The following USP5 variants were observed in gnomAD, a reference collection of about 807,000 sequenced individuals.
USP5 encodes the protein ubiquitin specific peptidase 5, also known as ubiquitin carboxyl-terminal hydrolase 5.
In USP5, 24 loss-of-function variants were observed where a neutral mutation model predicts 102.5. The observed-to-expected ratio is 0.23, with a 90% CI of 0.17 to 0.33. The LOEUF is 0.33. Among genes scored for constraint, USP5 ranks in the 10% least tolerant of loss-of-function variants. USP5 has a pLI of 1.00. For missense variants in USP5, 753 were observed against 1,122.1 expected, an observed-to-expected ratio of 0.67 and a Z score of 4.70; for synonymous variants, 460 against 434.8, an observed-to-expected ratio of 1.06 and a Z score of -0.72.
Position 6,856,121 on chromosome 12 carries a change from G to C in USP5, c.409G>C (p.Gly137Arg). ...CCTGGAGATTGCCCGGGATGGACTG[G>C]GGGGACTGCCTGACATTGTCAGAGA... ...DYLEIARDGLGGLPDIVRDRV... is the reference protein window; with the variant it reads ...DYLEIARDGLRGLPDIVRDRV... The change falls in exon 4 of 20, where the codon GGG (glycine) becomes CGG (arginine). Residue 137 changes from glycine to arginine, a missense_variant. Gly to Arg is a moderately radical substitution (Grantham distance 125, BLOSUM62 -2). Coordinates refer to ENST00000229268, the MANE Select transcript of USP5 (RefSeq NM_001098536.2). This position sits in a 1 kb window ranked among gnomAD's most constrained non-coding sequence, Gnocchi z 5.6. 1.2e-6 allele frequency: 2 copies of C among 1,614,168 alleles called. No homozygotes were observed. The highest frequency in any genetic ancestry group is 8.5e-7 in the Non-Finnish European group (1 of 1,180,026).
At position 6,855,315 on chromosome 12, in the gene USP5, C is replaced by G. The variant is rs1230817773; in HGVS notation, c.112-86C>G. Reference sequence around the variant, plus strand: ...ACAGAACATTTCTTCTGGAACCCAGCAGTTTCTGACTCCAGGTTTTGGTTT... The same window carrying G: ...ACAGAACATTTCTTCTGGAACCCAGGAGTTTCTGACTCCAGGTTTTGGTTT... On this transcript the variant is annotated intron_variant, in intron 1 of 19. Transcript: ENST00000229268. This position sits in a 1 kb window ranked among gnomAD's most constrained non-coding sequence, Gnocchi z 4.6. The G allele has an allele frequency of 7.8e-6, 12 of 1,547,692 alleles. No homozygotes were observed. In the African/African-American group the frequency reaches 1.7e-4, roughly 21 times the overall value.
chr12:6,864,649 A>C lies in USP5; in HGVS notation c.2245-73A>C. The C allele has an allele frequency of 6.6e-7, 1 of 1,517,762 alleles. No individual in the cohort carries two copies. Among genetic ancestry groups the C allele is most frequent in the East Asian group, 2.3e-5 (1 of 43,602 alleles). The allele number at this position is 1,517,762 out of a possible 1,614,324, so 94.0% of individuals were successfully genotyped here. ...GCTTGCAGTGAGCCGAGATCGCGCC[A>C]CTGCACTCCAGCCTGGGCGACAGAG... is the stretch of plus-strand genomic sequence containing the variant. On this transcript the variant is annotated intron_variant, in intron 17 of 19. Transcript: ENST00000229268. The surrounding 1 kb of genome is among the most constrained non-coding windows in gnomAD (Gnocchi z 4.8).
intron 1 of USP5, among the ~76,000 whole-genome samples, chr12:6,852,607 C>T (rs1555127190): frequency 6.6e-6 from 1 of 152,278 alleles, no homozygotes; most frequent in African/African-American, 2.4e-5. Context: ...CAAGTGGACC[C>T]TTGAGAAAAC....
intron 14 of USP5, among the ~76,000 whole-genome samples, 174 bp downstream of exon 14, chr12:6,862,732 C>A (rs782695303): frequency 1.3e-5 from 2 of 152,258 alleles, no homozygotes; most frequent in Non-Finnish European, 2.9e-5. Context: ...TAAAAGACTT[C>A]TTTGATTGTT....
At position 6,863,196 on chromosome 12, in the gene USP5, C is replaced by T. The variant is rs782287315; in HGVS notation, c.1773C>T (p.Ile591=). 2.5e-6 allele frequency: 4 copies of T among 1,611,362 alleles called. No individual in the cohort carries two copies. The highest frequency in any genetic ancestry group is 2.5e-6 in the Non-Finnish European group (3 of 1,178,662). The stretch of plus-strand genomic sequence containing the variant: ...ACCCTTTTCCCACAGATGTGTCCAT[C>T]GAGATGCCAGAGGAGCTCGACATCT... ...DWVPKKLDVS[I]EMPEELDISQ... The change falls in exon 15 of 20, where the codon ATC becomes ATT. Residue 591 remains isoleucine, a synonymous_variant. Coordinates refer to ENST00000229268, the MANE Select transcript of USP5 (RefSeq NM_001098536.2). The surrounding 1 kb of genome is among the most constrained non-coding windows in gnomAD (Gnocchi z 4.7).
rs189651154 is a variant in USP5, at chr12:6,859,677, G to A, written c.1130+136G>A. The stretch of plus-strand genomic sequence containing the variant: ...TTTGTTTTGTTTTGTTTTTTGAGAC[G>A]GAGTCTTGTTCTGTTGCCAGGCTGG... On this transcript the variant is annotated intron_variant, in intron 9 of 19. Coordinates refer to ENST00000229268, the MANE Select transcript of USP5 (RefSeq NM_001098536.2). The A allele has an allele frequency of 7.2e-3, 6,341 of 876,384 alleles. 44 individuals carry two copies. The highest frequency in any genetic ancestry group is 0.04 in the Middle Eastern group (128 of 3,184). The allele number at this position is 876,384 out of a possible 1,614,324, so 54.3% of individuals were successfully genotyped here. A position where few individuals can be genotyped will look rare whatever the true frequency, so the allele number is the denominator to read the frequency against.
chr12:6,857,714 G>A lies in USP5; in HGVS notation c.855G>A (p.Lys285=). 1 of 1,614,150 alleles carries A rather than the reference G, an allele frequency of 6.2e-7. No homozygotes were observed. Among genetic ancestry groups the A allele is most frequent in the Non-Finnish European group, 8.5e-7 (1 of 1,180,030 alleles). Residue 285 remains lysine (K), a synonymous_variant, in exon 7 of 20, where the codon AAG becomes AAA. Transcript: ENST00000229268. ...HLSHFGIDML[K]MQKTDKTMTE... is the part of the protein sequence containing the mutation. ...CCCACTTCGGCATCGACATGCTGAAGATGCAGAAGGTGAGACCCCCTTCAA... is the reference window on the plus strand; with the variant it reads ...CCCACTTCGGCATCGACATGCTGAAAATGCAGAAGGTGAGACCCCCTTCAA...
In USP5 at chr12:6,856,349, C is replaced by T. The variant is rs2138040527; in HGVS notation, c.483C>T (p.Ser161=). Residue 161 remains serine, a synonymous_variant, in exon 5 of 20, where the codon TCC becomes TCT. Transcript: ENST00000229268. This position sits in a 1 kb window ranked among gnomAD's most constrained non-coding sequence, Gnocchi z 5.6. Reference sequence around the variant, plus strand: ...CCCTACTGTCGGCCGACTCAGCCTCCCGCAAGCAGGAGGTGCAGGCATGGG... The same window carrying T: ...CCCTACTGTCGGCCGACTCAGCCTCTCGCAAGCAGGAGGTGCAGGCATGGG... ...VEALLSADSA[S]RKQEVQAWDG... is the part of the protein sequence containing the mutation. The T allele has an allele frequency of 6.2e-7, 1 of 1,613,968 alleles. No homozygotes were observed. The highest frequency in any genetic ancestry group is 1.6e-4 in the Middle Eastern group (1 of 6,062).
rs1191492039 is a variant in USP5 at position 6,856,948 on chromosome 12, A to G, written c.769+57A>G. On this transcript the variant is annotated intron_variant, in intron 6 of 19. Coordinates refer to ENST00000229268, the MANE Select transcript of USP5 (RefSeq NM_001098536.2). The surrounding 1 kb of genome is among the most constrained non-coding windows in gnomAD (Gnocchi z 5.6). ...GCTTAAATATATTTCATTTGTTAGT[A>G]ATTTCGTGTGACATGTATAATACAT... 1.3e-6 allele frequency: 2 copies of G among 1,577,010 alleles called. No individual in the cohort carries two copies. Among genetic ancestry groups the G allele is most frequent in the African/African-American group, 2.7e-5 (2 of 73,734 alleles).
chr12:6,858,683 T>G lies in USP5; in HGVS notation c.1058+66T>G. ...AGCACCCTCTGGGCATACTCCTCCTTCAGCTTCCCTCAGCACCTCTGTGTT... is the reference window on the plus strand; with the variant it reads ...AGCACCCTCTGGGCATACTCCTCCTGCAGCTTCCCTCAGCACCTCTGTGTT... On this transcript the variant is annotated intron_variant, in intron 8 of 19. Coordinates refer to ENST00000229268, the MANE Select transcript of USP5 (RefSeq NM_001098536.2). The surrounding 1 kb of genome is among the most constrained non-coding windows in gnomAD (Gnocchi z 4.2). The G allele has an allele frequency of 7.2e-7, 1 of 1,387,124 alleles. No homozygotes were observed. The highest frequency in any genetic ancestry group is 1.3e-5 in the South Asian group (1 of 77,630). The allele number at this position is 1,387,124 out of a possible 1,614,324, so 85.9% of individuals were successfully genotyped here.
At chr12:6,852,832 G>A (rs1340686624) in intron 1 of USP5, among the ~76,000 whole-genome samples, 1 of 152,204 alleles carries the variant, frequency 6.6e-6, no homozygotes, top group Non-Finnish European at 1.5e-5. Context: ...AACAGACAGG[G>A]GGCGGGGAGG....
intron 19 of USP5, 130 bp downstream of exon 19, chr12:6,865,378 G>C: frequency 1.3e-6 from 1 of 791,024 alleles, no homozygotes; most frequent in Non-Finnish European, 2.0e-6. Flanking sequence ...GTGCCAGAGA[G>C]TGACAGAAGG....
At position 6,861,220 on chromosome 12, in the gene USP5, G is replaced by T; in HGVS notation, c.1498+114G>T. The T allele has an allele frequency of 6.6e-7, 1 of 1,519,950 alleles. No homozygotes were observed. 94.2% of individuals were successfully genotyped at this position (1,519,950 alleles called of 1,614,324 possible). On this transcript the variant is annotated intron_variant, in intron 12 of 19. Coordinates refer to ENST00000229268, the MANE Select transcript of USP5 (RefSeq NM_001098536.2). The surrounding 1 kb of genome is among the most constrained non-coding windows in gnomAD (Gnocchi z 4.9). ...GGAATGCCCTGCTTCACCAGCCAAG[G>T]TTCCAGTCTGGGCCACCAGGAGTAG... is the stretch of plus-strand genomic sequence containing the variant.
In USP5 at chr12:6,856,227, C is replaced by G; in HGVS notation, c.438+77C>G. 1 of 1,606,336 alleles carries G rather than the reference C, an allele frequency of 6.2e-7. No homozygotes were observed. Among genetic ancestry groups the G allele is most frequent in the East Asian group, 2.2e-5 (1 of 44,760 alleles). ...TAGTGGTGTCTTAGGCAAGCACTGA[C>G]AAAGCTGAAGGCCAAGGGGAAGAGG... On this transcript the variant is annotated intron_variant, in intron 4 of 19. Transcript: ENST00000229268. The surrounding 1 kb of genome is among the most constrained non-coding windows in gnomAD (Gnocchi z 5.6).
At chr12:6,854,373 C>A (rs970937754) in intron 1 of USP5, among the ~76,000 whole-genome samples, 2 of 152,050 alleles carry the variant, frequency 1.3e-5, no homozygotes, top group Non-Finnish European at 2.9e-5. Context: ...AGTCATTGTT[C>A]CCCTGGAAGC....
At chr12:6,853,478 A>C (rs891444245) in intron 1 of USP5, among the ~76,000 whole-genome samples, 7 of 152,258 alleles carry the variant, frequency 4.6e-5, no homozygotes, top group Non-Finnish European at 8.8e-5. Context: ...GGGGTTCCCA[A>C]TCCTTGGTGA....
Position 6,859,525 on chromosome 12 carries a change from G to C in USP5, c.1114G>C (p.Asp372His), listed in dbSNP as rs782725933. 6.2e-7 allele frequency: 1 copy of C among 1,614,170 alleles called. No individual in the cohort carries two copies. Among genetic ancestry groups the C allele is most frequent in the South Asian group, 1.1e-5 (1 of 91,084 alleles). Residue 372 changes from aspartate to histidine, a missense_variant, in exon 9 of 20, where the codon GAT becomes CAT. Around this residue, in one of 3 missense-constraint regions of USP5, gnomAD observed 527 missense variants for 816.5 expected, o/e 0.65. Coordinates refer to ENST00000229268, the MANE Select transcript of USP5 (RefSeq NM_001098536.2). ...GAATGCCCCGACGGACCCTACCCAG[G>C]ATTTCAGCACCCAGGTGTATGTAAC... ...FQNAPTDPTQ[D>H]FSTQVAKLGH...
chr12:6,861,135 C>T lies in USP5; in HGVS notation c.1498+29C>T. 6.2e-7 allele frequency: 1 copy of T among 1,612,726 alleles called. No homozygotes were observed. The highest frequency in any genetic ancestry group is 8.5e-7 in the Non-Finnish European group (1 of 1,179,296). ...GGCTGCTCCATCAGCAAGGCCGTGG[C>T]ACGGTGGGAGGCTAAGGTCTAGGAG... On this transcript the variant is annotated intron_variant, in intron 12 of 19. Transcript: ENST00000229268. The surrounding 1 kb of genome is among the most constrained non-coding windows in gnomAD (Gnocchi z 4.9).
chr12:6,852,348 T>G, intron 1 of USP5, 58 bp downstream of exon 1: 1 of 1,525,022 alleles, frequency 6.6e-7, no homozygotes, highest in African/African-American at 1.4e-5. Flanking sequence ...CCCTGGTCAT[T>G]CCGCTGGGGC....
Sources: gnomAD v4.1 joint callset for allele counts (sites outside exome capture counted in the v4.1 genomes callset) on GRCh38, gnomAD v4.1.1 for gene constraint, gnomAD v4.1.1 regional missense constraint, Gnocchi (gnomAD v3.1) non-coding constraint, MANE v1.5 for transcripts, NCBI Gene and HGNC (gene_info 2026-07-23, HGNC 2026-07-21) for gene names.